The following EYS variants were observed in gnomAD, a reference collection of about 807,000 sequenced individuals.
The protein encoded by EYS is EGF-like photoreceptor maintenance factor.
A neutral mutation model predicts 282.1 loss-of-function variants in EYS; 250 were observed. The ratio of observed to expected loss-of-function variants is 0.89; its 90% confidence interval spans 0.80 to 0.98. EYS has a LOEUF of 0.98. Ranked by LOEUF, EYS falls within the 50% of genes least tolerant of loss-of-function variation. EYS has a pLI of 0.00. For synonymous variants in EYS, 1,355 were observed against 1,282.9 expected (o/e 1.06, Z -1.20); for missense variants, 4,016 against 3,709.0 (o/e 1.08, Z -2.15).
intron 35 of EYS, among the ~76,000 whole-genome samples, chr6:63,973,889 T>G (rs149855946): frequency 4.1e-4 from 62 of 152,272 alleles, no homozygotes; most frequent in African/African-American, 1.4e-3. Flanking sequence ...GGGAACAATT[T>G]TTACTTTATT....
intron 2 of EYS, among the ~76,000 whole-genome samples, chr6:65,543,220 T>C (rs1768241747): frequency 1.3e-5 from 2 of 148,300 alleles, no homozygotes; most frequent in African/African-American, 5.0e-5. Context: ...GATTTCACCA[T>C]GTTGGCCAGG....
At chr6:64,437,498 T>C (rs1335917589) in intron 27 of EYS, among the ~76,000 whole-genome samples, 3 of 151,728 alleles carry the variant, frequency 2.0e-5, no homozygotes, top group Non-Finnish European at 4.4e-5. Context: ...ACATTTCAGC[T>C]AGATGATCAG....
chr6:63,984,016 T>G (rs185210383), intron 35 of EYS, among the ~76,000 whole-genome samples: 1 of 151,470 alleles, frequency 6.6e-6, no homozygotes, highest in African/African-American at 2.4e-5. Context: ...TAAAAATTAA[T>G]AAATATAAAA....
chr6:65,621,114 C>T (rs1463191099), intron 2 of EYS, among the ~76,000 whole-genome samples: 1 of 152,004 alleles, frequency 6.6e-6, no homozygotes, highest in Non-Finnish European at 1.5e-5. Flanking sequence ...TCCATGTTGA[C>T]TTTCTGTCTC....
At chr6:65,593,559 G>C (rs1437263565) in intron 2 of EYS, among the ~76,000 whole-genome samples, 1 of 151,978 alleles carries the variant, frequency 6.6e-6, no homozygotes, top group South Asian at 2.1e-4. Context: ...TTTAGAGTTT[G>C]AAAAGTTTCA....
intron 28 of EYS, among the ~76,000 whole-genome samples, chr6:64,420,522 C>T (rs369585408): frequency 9.9e-5 from 15 of 152,216 alleles, no homozygotes; most frequent in East Asian, 9.6e-4. Flanking sequence ...ACAGGCTCAA[C>T]ACCATATGGA....
chr6:64,535,913 C>T (rs530133841), intron 26 of EYS, among the ~76,000 whole-genome samples: 16 of 151,880 alleles, frequency 1.1e-4, no homozygotes, highest in Non-Finnish European at 2.2e-4. Context: ...TATAAAATAT[C>T]ATCTTAACCT....
At position 64,686,873 on chromosome 6, in the gene EYS, A is replaced by G. The variant is rs1394505084; in HGVS notation, c.3444-60628T>C. ...TATATATGTGTATATATATACGTGT[A>G]TATATATATACACACACATATATAT... On this transcript the variant is annotated intron_variant, in intron 22 of 42. Transcript: ENST00000503581. Among the ~76,000 whole-genome samples, 21 of 103,946 alleles carry G rather than the reference A, an allele frequency of 2.0e-4. 5 individuals are homozygous for G. Among genetic ancestry groups the G allele is most frequent in the Admixed American group, 4.1e-4 (4 of 9,860 alleles). The allele number at this position is 103,946 out of a possible 152,430, so 68.2% of individuals were successfully genotyped here. A position where few individuals can be genotyped will look rare whatever the true frequency, so the allele number is the denominator to read the frequency against.
chr6:63,738,847 C>T (rs892623648), intron 41 of EYS, among the ~76,000 whole-genome samples: 3 of 152,134 alleles, frequency 2.0e-5, no homozygotes, highest in Admixed American at 6.6e-5. Flanking sequence ...ATATCCATAT[C>T]CTGATCCTCA....
At chr6:64,146,357 A>G (rs1206575329) in intron 31 of EYS, among the ~76,000 whole-genome samples, 1 of 152,178 alleles carries the variant, frequency 6.6e-6, no homozygotes, top group Admixed American at 6.6e-5. Flanking sequence ...TCACTGCACA[A>G]GAACACGTTA....
At chr6:65,669,076 G>GT (rs1768294010) in intron 1 of EYS, among the ~76,000 whole-genome samples, 1 of 151,902 alleles carries the variant, frequency 6.6e-6, no homozygotes, top group Non-Finnish European at 1.5e-5. Context: ...TGGTTATGAT[G>GT]TTATCTAAAG....
intron 12 of EYS, among the ~76,000 whole-genome samples, chr6:65,086,946 CT>C (rs1343262011): frequency 1.3e-5 from 2 of 152,020 alleles, no homozygotes; most frequent in Non-Finnish European, 2.9e-5. Flanking sequence ...CCTCAGCCCC[CT>C]GAGTAGCTGG....
intron 18 of EYS, among the ~76,000 whole-genome samples, chr6:64,891,647 C>T (rs959465048): frequency 2.8e-4 from 43 of 152,184 alleles, no homozygotes; most frequent in African/African-American, 9.6e-4. Flanking sequence ...ATGCTAACCA[C>T]CTCTAATAAG....
At chr6:65,416,553 G>T (rs1310156466) in intron 5 of EYS, among the ~76,000 whole-genome samples, 1 of 151,738 alleles carries the variant, frequency 6.6e-6, no homozygotes, top group Non-Finnish European at 1.5e-5. Context: ...AAACAAACTA[G>T]CTCTGCTATC....
chr6:64,866,654 ATTG>A (rs1461340976), intron 19 of EYS, among the ~76,000 whole-genome samples: 2 of 70,454 alleles, frequency 2.8e-5, no homozygotes, highest in South Asian at 4.7e-4. Flanking sequence ...CTACCATTGA[ATTG>A]TTATTAGATA....
At chr6:64,703,382 G>GACAC (rs1165808043) in intron 22 of EYS, among the ~76,000 whole-genome samples, 3,414 of 35,828 alleles carry the variant, frequency 0.095, 283 homozygotes, top group Admixed American at 0.19. Flanking sequence ...CACACACACA[G>GACAC]ACACACACAC....
chr6:65,526,837 TA>T (rs1767586207), intron 2 of EYS, among the ~76,000 whole-genome samples: 1 of 152,040 alleles, frequency 6.6e-6, no homozygotes, highest in South Asian at 2.1e-4. Flanking sequence ...AAAAGACTGC[TA>T]ATCTTGAGTG....
intron 29 of EYS, among the ~76,000 whole-genome samples, chr6:64,368,077 C>G (rs530510974): frequency 6.6e-6 from 1 of 152,116 alleles, no homozygotes; most frequent in East Asian, 1.9e-4. Context: ...GGTAGTTTTT[C>G]GATCCTCAAC....
chr6:64,644,980 T>G (rs1267917771), intron 22 of EYS, among the ~76,000 whole-genome samples: 1 of 152,194 alleles, frequency 6.6e-6, no homozygotes, highest in Non-Finnish European at 1.5e-5. Flanking sequence ...AATTTTATTG[T>G]TTTTTAAATC....
Sources: allele counts gnomAD v4.1 joint callset (sites outside exome capture counted in the v4.1 genomes callset), GRCh38; gene constraint gnomAD v4.1.1; transcripts MANE v1.5; gene names NCBI Gene and HGNC (gene_info 2026-07-23, HGNC 2026-07-21).